The following NAV3 variants were observed in gnomAD, a reference collection of about 807,000 sequenced individuals.
The protein encoded by NAV3 is neuron navigator 3.
In NAV3, 87 loss-of-function variants were observed where a neutral mutation model predicts 244.7. The ratio of observed to expected loss-of-function variants is 0.36; its 90% CI spans 0.30 to 0.42. The LOEUF (loss-of-function observed/expected upper bound fraction) is 0.42. Among genes scored for constraint, NAV3 ranks in the 20% least tolerant of loss-of-function variants. The pLI is 1.00. For missense variants in NAV3, 2,663 were observed against 2,893.3 expected, an observed-to-expected ratio of 0.92 and a Z score of 1.83; for synonymous variants, 1,126 against 1,042.2, an observed-to-expected ratio of 1.08 and a Z score of -1.55.
At chr12:78,054,208 A>C (rs988749956) in intron 11 of NAV3, among the ~76,000 whole-genome samples, 2 of 152,212 alleles carry the variant, frequency 1.3e-5, no homozygotes, top group Non-Finnish European at 2.9e-5. Context: ...TAAAATACAT[A>C]TATAAGAAAA....
chr12:77,980,961 T>C (rs548273987), intron 5 of NAV3, among the ~76,000 whole-genome samples: 86 of 152,154 alleles, frequency 5.7e-4, no homozygotes, highest in Non-Finnish European at 1.1e-3. Flanking sequence ...GGTGGCCTTA[T>C]TAACTGCCTG....
rs543185866 is a variant in NAV3 at position 77,694,060 on chromosome 12, G to A, written c.72+121794G>A. ...TTCCATCCTTAATATCAATCTTTAT[G>A]AAACCTGTGATCTCTATTCCTATAT... On this transcript the variant is annotated intron_variant, in intron 2 of 8. Transcript: ENST00000550042. 3.3e-5 allele frequency among the ~76,000 whole-genome samples: 5 copies of A among 152,096 alleles called. No individual in the cohort carries two copies. In the East Asian group the frequency reaches 9.7e-4, roughly 29 times the overall value.
intron 2 of NAV3, among the ~76,000 whole-genome samples, chr12:77,590,717 T>C (rs975843361): frequency 6.6e-6 from 1 of 152,240 alleles, no homozygotes; most frequent in African/African-American, 2.4e-5. Context: ...TTCATGGAGA[T>C]TATAATCAAG....
chr12:77,630,440 G>A (rs1006248071), intron 2 of NAV3, among the ~76,000 whole-genome samples: 1 of 152,100 alleles, frequency 6.6e-6, no homozygotes, highest in Non-Finnish European at 1.5e-5. Flanking sequence ...AGTTTCCTGG[G>A]TTTAATCTGC....
chr12:78,198,702 G>A (rs750411678), intron 36 of NAV3, 26 bp downstream of exon 36: 2 of 765,716 alleles, frequency 2.6e-6, no homozygotes, highest in East Asian at 1.3e-4. Flanking sequence ...AGGTTTTTTT[G>A]TTTTGTTTTT....
intron 1 of NAV3, among the ~76,000 whole-genome samples, chr12:77,935,508 A>G (rs966596399): frequency 2.6e-5 from 4 of 152,192 alleles, no homozygotes; most frequent in Admixed American, 6.5e-5. Context: ...AACAATAATA[A>G]TGGTTTACAA....
chr12:77,924,893 T>G (rs2137224202), intron 1 of NAV3, among the ~76,000 whole-genome samples: 1 of 152,074 alleles, frequency 6.6e-6, no homozygotes, highest in Non-Finnish European at 1.5e-5. Context: ...TGTTTTCTAT[T>G]ACAGTTAATC....
rs193201497 is a variant in NAV3 at position 78,140,747 on chromosome 12, A to G, written c.4683+413A>G. On this transcript the variant is annotated intron_variant, in intron 20 of 39. Transcript: ENST00000397909. Reference sequence around the variant, plus strand: ...TATTTTCTTCTCATTTTTTATTTTTAAGTTTATTGTTGAGAGGATTATCGA... The same window carrying G: ...TATTTTCTTCTCATTTTTTATTTTTGAGTTTATTGTTGAGAGGATTATCGA... Among the ~76,000 whole-genome samples, 391 of 151,800 alleles carry G rather than the reference A, an allele frequency of 2.6e-3. 2 individuals are homozygous for G. The highest frequency in any genetic ancestry group is 3.8e-3 in the Non-Finnish European group (259 of 67,952).
At chr12:78,123,987 A>T (rs540362669) in intron 16 of NAV3, among the ~76,000 whole-genome samples, 10 of 152,242 alleles carry the variant, frequency 6.6e-5, no homozygotes, top group African/African-American at 1.4e-4. Flanking sequence ...GTTTTAATGA[A>T]TGTATCCTAG....
chr12:77,772,826 C>A (rs1870163081), intron 2 of NAV3, among the ~76,000 whole-genome samples: 1 of 152,190 alleles, frequency 6.6e-6, no homozygotes, highest in African/African-American at 2.4e-5. Flanking sequence ...ATGTATGTTA[C>A]ATGATATCAC....
At chr12:77,845,813 C>A (rs1876538051) in intron 1 of NAV3, among the ~76,000 whole-genome samples, 1 of 152,022 alleles carries the variant, frequency 6.6e-6, no homozygotes, top group African/African-American at 2.4e-5. Context: ...GCCACCATGC[C>A]CAGCTAATTT....
chr12:78,056,299 G>C (rs1208142843), intron 11 of NAV3: 1 of 152,190 alleles, frequency 6.6e-6, no homozygotes, highest in African/African-American at 2.4e-5. Context: ...AGCTTATGCA[G>C]TGTGCCCTTG....
intron 2 of NAV3, among the ~76,000 whole-genome samples, chr12:77,587,272 A>G (rs1189364504): frequency 6.6e-6 from 1 of 152,218 alleles, no homozygotes; most frequent in Non-Finnish European, 1.5e-5. Flanking sequence ...TTTCAAATAC[A>G]ATAAGATCAG....
At chr12:77,771,712 A>G (rs551326522) in intron 2 of NAV3, among the ~76,000 whole-genome samples, 31 of 152,148 alleles carry the variant, frequency 2.0e-4, no homozygotes, top group Non-Finnish European at 2.6e-4. Context: ...GAATTGAACA[A>G]TGAGAACACA....
At chr12:78,033,243 T>C (rs1879291342) in intron 9 of NAV3, among the ~76,000 whole-genome samples, 1 of 152,066 alleles carries the variant, frequency 6.6e-6, no homozygotes, top group Non-Finnish European at 1.5e-5. Context: ...TTGCCCTTTT[T>C]TTTTTGAATG....
chr12:78,107,428 T>C (rs913945156), intron 12 of NAV3, among the ~76,000 whole-genome samples: 8 of 152,020 alleles, frequency 5.3e-5, no homozygotes, highest in African/African-American at 2.4e-5. Context: ...CGCAAAAAGG[T>C]CTTATACACA....
At chr12:77,926,274 G>A (rs1208682815) in intron 1 of NAV3, among the ~76,000 whole-genome samples, 2 of 152,136 alleles carry the variant, frequency 1.3e-5, no homozygotes, top group Non-Finnish European at 2.9e-5. Context: ...CTTTGAGGTA[G>A]ATATCTATCT....
chr12:78,020,339 A>T (rs1876936847), intron 8 of NAV3, among the ~76,000 whole-genome samples: 1 of 152,150 alleles, frequency 6.6e-6, no homozygotes, highest in African/African-American at 2.4e-5. Context: ...ATATCTTTTA[A>T]ATTTAGCTAC....
At chr12:77,996,191 G>A (rs1872320173) in intron 6 of NAV3, among the ~76,000 whole-genome samples, 2 of 152,126 alleles carry the variant, frequency 1.3e-5, no homozygotes, top group South Asian at 4.1e-4. Context: ...GTGTGAGTTT[G>A]GAATGAACTT....
Sources: gnomAD v4.1 joint callset for allele counts (sites outside exome capture counted in the v4.1 genomes callset) on GRCh38, gnomAD v4.1.1 for gene constraint, MANE v1.5 for transcripts, NCBI Gene and HGNC (gene_info 2026-07-23, HGNC 2026-07-21) for gene names.